The following CENPK variants were observed in gnomAD, a reference collection of about 807,000 sequenced individuals.
CENPK encodes the protein SoxLZ/Sox6-binding protein Solt.
A neutral mutation model predicts 40.9 loss-of-function variants in CENPK; 46 were observed. The ratio of observed to expected loss-of-function variants is 1.13; its 90% CI spans 0.89 to 1.44. The LOEUF (loss-of-function observed/expected upper bound fraction) is 1.44, where lower values mean the gene tolerates loss of function less well. CENPK is among the 40% of genes most tolerant of loss of function. The probability of loss-of-function intolerance (pLI) is 0.00; values close to 1 mark genes in which losing one functional copy is unlikely to be tolerated. For synonymous variants in CENPK, 107 were observed against 104.4 expected (o/e 1.02, Z -0.15); for missense variants, 288 against 303.5 (o/e 0.95, Z 0.38).
At chr5:65,546,674 T>C (rs1432545133) in intron 5 of CENPK, among the ~76,000 whole-genome samples, 1 of 152,160 alleles carries the variant, frequency 6.6e-6, no homozygotes, top group African/African-American at 2.4e-5. Flanking sequence ...GAGTTGACCC[T>C]AATCCAATAA....
intron 10 of CENPK, among the ~76,000 whole-genome samples, chr5:65,519,368 C>T (rs1211672273): frequency 3.3e-5 from 5 of 152,124 alleles, no homozygotes; most frequent in African/African-American, 1.2e-4. Context: ...CAAATAGTTA[C>T]AATTGTTTGA....
rs368584720 is a variant in CENPK at position 65,562,275 on chromosome 5, T to C, written c.-141-711A>G. ...GCTTTCAAGCATAAAAACATAAGAG[T>C]AGGAGGCAAGAACGAACAAGGGAAA... is the stretch of plus-strand genomic sequence containing the variant. On this transcript the variant is annotated intron_variant, in intron 1 of 10. Coordinates refer to ENST00000396679, the MANE Select transcript of CENPK (RefSeq NM_022145.5). Among the ~76,000 whole-genome samples, 6 of 151,974 alleles carry C rather than the reference T, an allele frequency of 3.9e-5. No homozygotes were observed. In the East Asian group the frequency reaches 9.7e-4, roughly 24 times the overall value.
rs1410263007 is a variant in CENPK at position 65,518,620 on chromosome 5, CTATT to C, written c.661_664del (p.Asn221AspfsTer32). The stretch of plus-strand genomic sequence containing the variant: ...TGGATCATGTGGAACATCAAATAAT[CTATT>C]TATAAGAATCTAGGAGAAAATATCA... On this transcript the variant is annotated frameshift_variant, in exon 11 of 11. Coordinates refer to ENST00000396679, the MANE Select transcript of CENPK (RefSeq NM_022145.5). LOFTEE classifies it high-confidence loss of function. 3 of 1,581,586 alleles carry C rather than the reference CTATT, an allele frequency of 1.9e-6. No homozygotes were observed. Among genetic ancestry groups the C allele is most frequent in the Non-Finnish European group, 2.6e-6 (3 of 1,155,878 alleles).
chr5:65,541,533 CTT>C (rs948459685), intron 6 of CENPK: 14 of 440,584 alleles, frequency 3.2e-5, no homozygotes, highest in African/African-American at 2.2e-4. Context: ...AGGAAAAACA[CTT>C]TGTTTTTTTC....
In CENPK at chr5:65,554,829, C is replaced by T. The variant is rs1206680426; in HGVS notation, c.79G>A (p.Glu27Lys). The change falls in exon 3 of 11, where the codon GAA becomes AAA. Residue 27 changes from glutamate (E) to lysine (K), a missense_variant. Coordinates refer to ENST00000396679, the MANE Select transcript of CENPK (RefSeq NM_022145.5). ...VTNTEEELIR[E>K]CEEMWKDMEE... ...ATATCTTTCCACATTTCTTCACATT[C>T]TCTAATAAGTTCTTCTTCAGTATTT... The T allele has an allele frequency of 6.9e-6, 11 of 1,595,306 alleles. No individual in the cohort carries two copies. Among genetic ancestry groups the T allele is most frequent in the Non-Finnish European group, 9.5e-6 (11 of 1,163,418 alleles).
At chr5:65,498,358 C>T in the CENPK span, among the ~76,000 whole-genome samples, 1 of 151,972 alleles carries the variant, frequency 6.6e-6, no homozygotes, top group Non-Finnish European at 1.5e-5. Flanking sequence ...ATTACATTTA[C>T]ATAACACTTA....
intron 1 of CENPK, 33 bp from the exon 2 acceptor site, chr5:65,561,597 A>AACAC (rs10560318): frequency 1.2e-4 from 47 of 382,274 alleles, no homozygotes; most frequent in East Asian, 6.6e-4. Context: ...GTTTAATTAA[A>AACAC]ACACACACAC....
chr5:65,525,111 C>A (rs1349842538), intron 9 of CENPK, among the ~76,000 whole-genome samples: 2 of 152,130 alleles, frequency 1.3e-5, no homozygotes, highest in Non-Finnish European at 2.9e-5. Flanking sequence ...GTAATCCCAG[C>A]ACTTTGGGAG....
At chr5:65,505,210 T>C in the CENPK span, among the ~76,000 whole-genome samples, 1 of 152,202 alleles carries the variant, frequency 6.6e-6, no homozygotes, top group African/African-American at 2.4e-5. Context: ...TGATTCAAGA[T>C]TGATTATCCT....
chr5:65,540,399 T>C (rs1747758966), intron 6 of CENPK, among the ~76,000 whole-genome samples: 1 of 152,226 alleles, frequency 6.6e-6, no homozygotes, highest in African/African-American at 2.4e-5. Flanking sequence ...AACATTGTGA[T>C]ATTGTAAAAT....
At chr5:65,509,122 C>T in the CENPK span, among the ~76,000 whole-genome samples, 1 of 152,176 alleles carries the variant, frequency 6.6e-6, no homozygotes, top group African/African-American at 2.4e-5. Flanking sequence ...TTTCCCATCC[C>T]TTTATGTTTA....
the CENPK span, among the ~76,000 whole-genome samples, chr5:65,500,503 T>G: frequency 6.6e-6 from 1 of 151,092 alleles, no homozygotes; most frequent in Non-Finnish European, 1.5e-5. Context: ...TTCGCCCACT[T>G]TTTGATGGGG....
the CENPK span, among the ~76,000 whole-genome samples, chr5:65,495,971 T>C: frequency 6.6e-6 from 1 of 152,188 alleles, no homozygotes; most frequent in South Asian, 2.1e-4. Context: ...TCAAGAGCCT[T>C]AGTGGCCAGG....
chr5:65,562,528 A>C (rs1206413725), intron 1 of CENPK, among the ~76,000 whole-genome samples: 1 of 152,220 alleles, frequency 6.6e-6, no homozygotes, highest in Non-Finnish European at 1.5e-5. Context: ...GCAGAGAAAA[A>C]AGAAGTGTTT....
chr5:65,518,293 A>T lies in CENPK; in HGVS notation c.*182T>A. 1 of 581,760 alleles carries T rather than the reference A, an allele frequency of 1.7e-6. No individual in the cohort carries two copies. The highest frequency in any genetic ancestry group is 2.9e-6 in the Non-Finnish European group (1 of 339,444). The allele number at this position is 581,760 out of a possible 1,614,324, so 36.0% of individuals were successfully genotyped here. ...TATAGTTTAAAACACTAAAGCACTC[A>T]CTGAATAAGAAATGACCATTTAAAA... On this transcript the variant is annotated 3_prime_UTR_variant, in exon 11 of 11. Coordinates refer to ENST00000396679, the MANE Select transcript of CENPK (RefSeq NM_022145.5).
chr5:65,538,483 T>C (rs1190535559), intron 6 of CENPK, among the ~76,000 whole-genome samples: 1 of 152,248 alleles, frequency 6.6e-6, no homozygotes, highest in Admixed American at 6.5e-5. Flanking sequence ...TCTTTTTTGA[T>C]TAGCAATTTC....
At chr5:65,506,627 T>C in the CENPK span, among the ~76,000 whole-genome samples, 6 of 152,098 alleles carry the variant, frequency 3.9e-5, 2 homozygotes, top group African/African-American at 1.4e-4. Context: ...CTACTAAAAA[T>C]ACAAAAAATT....
the CENPK span, among the ~76,000 whole-genome samples, chr5:65,504,872 C>T: frequency 6.6e-6 from 1 of 152,076 alleles, no homozygotes; most frequent in Non-Finnish European, 1.5e-5. Context: ...TATCTGTTAA[C>T]TCTTATTTTA....
intron 6 of CENPK, among the ~76,000 whole-genome samples, chr5:65,530,163 TTTATTCAATCAA>T (rs1439058586): frequency 6.6e-6 from 1 of 152,190 alleles, no homozygotes; most frequent in Non-Finnish European, 1.5e-5. Context: ...TCATTCAATA[TTTATTCAATCAA>T]TTATTCAATC....
Sources: allele counts gnomAD v4.1 joint callset (sites outside exome capture counted in the v4.1 genomes callset), GRCh38; gene constraint gnomAD v4.1.1; transcripts MANE v1.5; gene names NCBI Gene and HGNC (gene_info 2026-07-23, HGNC 2026-07-21).